KIRREL3: variants seen among roughly 807,000 people sequenced by gnomAD.
KIRREL3 encodes the protein kirre like nephrin family adhesion molecule 3, also known as kin of IRRE-like protein 3.
Under a neutral mutation model 89.7 loss-of-function variants are expected in KIRREL3, and 36 were observed. The observed-to-expected ratio is 0.40, with a 90% CI of 0.31 to 0.53. The LOEUF (loss-of-function observed/expected upper bound fraction) is 0.53, where lower values mean the gene tolerates loss of function less well. Among genes scored for constraint, KIRREL3 ranks in the 20% least tolerant of loss-of-function variants. The pLI, the probability that KIRREL3 is intolerant of heterozygous loss-of-function variation, is 0.49. For synonymous variants in KIRREL3, 445 were observed against 441.4 expected (o/e 1.01, Z -0.10); for missense variants, 864 against 1,056.6 (o/e 0.82, Z 2.53).
At chr11:126,504,059 C>T (rs1349020309) in intron 4 of KIRREL3, among the ~76,000 whole-genome samples, 1 of 152,170 alleles carries the variant, frequency 6.6e-6, no homozygotes, top group African/African-American at 2.4e-5. Flanking sequence ...TACTGAATGA[C>T]TCCTTTGAGA....
rs921788807 is a variant in KIRREL3, at chr11:126,561,320, C to G, written c.133+1515G>C. 1.3e-5 allele frequency among the ~76,000 whole-genome samples: 2 copies of G among 152,214 alleles called. No individual in the cohort carries two copies. Among genetic ancestry groups the G allele is most frequent in the African/African-American group, 4.8e-5 (2 of 41,442 alleles). ...CATGTTGGCTCAGCTTGCATCCCATCCCCTCATCTCCTCAGCCACCCAGAA... is the reference window on the plus strand; with the variant it reads ...CATGTTGGCTCAGCTTGCATCCCATGCCCTCATCTCCTCAGCCACCCAGAA... On this transcript the variant is annotated intron_variant, in intron 2 of 16. Coordinates refer to ENST00000525144, the MANE Select transcript of KIRREL3 (RefSeq NM_032531.4). The surrounding 1 kb of genome is among the most constrained non-coding windows in gnomAD (Gnocchi z 4.5).
At chr11:126,458,455 C>A (rs946969403) in intron 6 of KIRREL3, among the ~76,000 whole-genome samples, 4 of 103,558 alleles carry the variant, frequency 3.9e-5, no homozygotes, top group Non-Finnish European at 8.1e-5. Context: ...ACCGAGCCGG[C>A]CTTACTCTGG....
rs1460752144 is a variant in KIRREL3 at position 126,817,434 on chromosome 11, A to G, written c.55+183021T>C. ...AGTGACTGAGGGCTTCAGCTTCCTC[A>G]TTGTGGGGGACAGAAGGGGATGGTT... On this transcript the variant is annotated intron_variant, in intron 1 of 16. Coordinates refer to ENST00000525144, the MANE Select transcript of KIRREL3 (RefSeq NM_032531.4). This position sits in a 1 kb window ranked among gnomAD's most constrained non-coding sequence, Gnocchi z 5.7. 6.6e-6 allele frequency among the ~76,000 whole-genome samples: 1 copy of G among 152,182 alleles called. No homozygotes were observed. Among genetic ancestry groups the G allele is most frequent in the Non-Finnish European group, 1.5e-5 (1 of 68,040 alleles).
At position 126,763,902 on chromosome 11, in the gene KIRREL3, ACT is replaced by A. The variant is rs907429826; in HGVS notation, c.56-200992_56-200991del. 2.6e-5 allele frequency among the ~76,000 whole-genome samples: 4 copies of A among 150,976 alleles called. No individual in the cohort carries two copies. Among genetic ancestry groups the A allele is most frequent in the Non-Finnish European group, 5.9e-5 (4 of 67,764 alleles). ...TACTTAGTTTTCAGTTGACATTCCC[ACT>A]CTCTTACCTTCTGCCCCCTGAATTT... On this transcript the variant is annotated intron_variant, in intron 1 of 16. Coordinates refer to ENST00000525144, the MANE Select transcript of KIRREL3 (RefSeq NM_032531.4). The surrounding 1 kb of genome is among the most constrained non-coding windows in gnomAD (Gnocchi z 4.7).
intron 1 of KIRREL3, among the ~76,000 whole-genome samples, chr11:126,842,216 A>C (rs1943986321): frequency 6.6e-6 from 1 of 152,198 alleles, no homozygotes; most frequent in Non-Finnish European, 1.5e-5. Context: ...TCAGGACAAC[A>C]GACAGAGACA....
rs1446004806 is a variant in KIRREL3 at position 126,608,575 on chromosome 11, A to C, written c.56-45663T>G. Among the ~76,000 whole-genome samples, 1 of 151,880 alleles carries C rather than the reference A, an allele frequency of 6.6e-6. No individual in the cohort carries two copies. Among genetic ancestry groups the C allele is most frequent in the Non-Finnish European group, 1.5e-5 (1 of 67,994 alleles). On this transcript the variant is annotated intron_variant, in intron 1 of 16. Transcript: ENST00000525144. The surrounding 1 kb of genome is among the most constrained non-coding windows in gnomAD (Gnocchi z 4.9). Reference sequence around the variant, plus strand: ...CTCCCCTCCCCAAATGGCTCCCTTAATCACGAGCTGCTTTCTTCTGAGCTC... The same window carrying C: ...CTCCCCTCCCCAAATGGCTCCCTTACTCACGAGCTGCTTTCTTCTGAGCTC...
chr11:126,501,547 A>T lies in KIRREL3; in HGVS notation c.433+19768T>A, dbSNP rs186784331. On this transcript the variant is annotated intron_variant, in intron 4 of 16. Transcript: ENST00000525144. The surrounding 1 kb of genome is among the most constrained non-coding windows in gnomAD (Gnocchi z 5.8). Reference sequence around the variant, plus strand: ...ATTTTCATCCCAGGCGGTGCGTGACAAAGCTAGGATTTGAACCCAGGCTGT... The same window carrying T: ...ATTTTCATCCCAGGCGGTGCGTGACTAAGCTAGGATTTGAACCCAGGCTGT... 2.0e-5 allele frequency among the ~76,000 whole-genome samples: 3 copies of T among 152,272 alleles called. No individual in the cohort carries two copies. Among genetic ancestry groups the T allele is most frequent in the Admixed American group, 6.5e-5 (1 of 15,296 alleles).
rs966837019 is a variant in KIRREL3 at position 126,513,316 on chromosome 11, C to T, written c.433+7999G>A. 1.3e-5 allele frequency among the ~76,000 whole-genome samples: 2 copies of T among 152,230 alleles called. No homozygotes were observed. The highest frequency in any genetic ancestry group is 2.9e-5 in the Non-Finnish European group (2 of 68,006). ...GGAAGCTACCCCCAGATTTCAGTGG[C>T]GAGTGGGCACTTGGATAGGCAGTGT... On this transcript the variant is annotated intron_variant, in intron 4 of 16. Transcript: ENST00000525144. The surrounding 1 kb of genome is among the most constrained non-coding windows in gnomAD (Gnocchi z 5.9).
At chr11:126,466,774 G>A (rs1287510101) in intron 5 of KIRREL3, among the ~76,000 whole-genome samples, 1 of 152,096 alleles carries the variant, frequency 6.6e-6, no homozygotes, top group African/African-American at 2.4e-5. Context: ...TCCCTTCACT[G>A]AGCTTGGCTC....
chr11:126,634,211 T>C (rs1944170604), intron 1 of KIRREL3, among the ~76,000 whole-genome samples: 1 of 152,310 alleles, frequency 6.6e-6, no homozygotes, highest in Admixed American at 6.5e-5. Context: ...CTGAGTAAGG[T>C]GGAATCAGAC....
rs1018445231 is a variant in KIRREL3 at position 126,797,469 on chromosome 11, T to A, written c.55+202986A>T. Among the ~76,000 whole-genome samples the A allele has an allele frequency of 1.3e-5, 2 of 152,074 alleles. No individual in the cohort carries two copies. The highest frequency in any genetic ancestry group is 4.8e-5 in the African/African-American group (2 of 41,420). Reference sequence around the variant, plus strand: ...TCAACTTCTGCTTGCAGAAGCCCGATTCATCTGTTACCTGGGAAGCTAAAC... The same window carrying A: ...TCAACTTCTGCTTGCAGAAGCCCGAATCATCTGTTACCTGGGAAGCTAAAC... On this transcript the variant is annotated intron_variant, in intron 1 of 16. Coordinates refer to ENST00000525144, the MANE Select transcript of KIRREL3 (RefSeq NM_032531.4). This position sits in a 1 kb window ranked among gnomAD's most constrained non-coding sequence, Gnocchi z 4.9.
At chr11:126,514,086 A>G (rs1009697690) in intron 4 of KIRREL3, among the ~76,000 whole-genome samples, 1 of 152,086 alleles carries the variant, frequency 6.6e-6, no homozygotes, top group Non-Finnish European at 1.5e-5. Context: ...AGTCTGGGCT[A>G]CCAGGAAGGG....
rs1320638716 is a variant in KIRREL3 at position 126,653,551 on chromosome 11, A to C, written c.56-90639T>G. 6.6e-6 allele frequency among the ~76,000 whole-genome samples: 1 copy of C among 152,226 alleles called. No homozygotes were observed. ...TATAAACACCAGATACGGAATGAGA[A>C]AAAAGCGGCACCGGAAGTGGCATTT... On this transcript the variant is annotated intron_variant, in intron 1 of 16. Coordinates refer to ENST00000525144, the MANE Select transcript of KIRREL3 (RefSeq NM_032531.4). The surrounding 1 kb of genome is among the most constrained non-coding windows in gnomAD (Gnocchi z 5.4).
Position 126,535,027 on chromosome 11 carries a change from G to C in KIRREL3, c.134-8340C>G, listed in dbSNP as rs534411688. ...GTGGAGGTGGCAGCAGCAGTGACAG[G>C]TGTGGCCTGGCCTAGGGAGGTGGGC... On this transcript the variant is annotated intron_variant, in intron 2 of 16. Transcript: ENST00000525144. This position sits in a 1 kb window ranked among gnomAD's most constrained non-coding sequence, Gnocchi z 4.5. 1.1e-4 allele frequency among the ~76,000 whole-genome samples: 17 copies of C among 152,254 alleles called. No homozygotes were observed. The South Asian group carries it at 3.5e-3, about 32-fold the overall frequency.
chr11:126,856,328 G>A (rs1944507268), intron 1 of KIRREL3, among the ~76,000 whole-genome samples: 1 of 152,108 alleles, frequency 6.6e-6, no homozygotes, highest in Admixed American at 6.5e-5. Flanking sequence ...CGGGGAACAA[G>A]TGAAGACAAG....
rs1591436270 is a variant in KIRREL3 at position 126,990,580 on chromosome 11, G to A, written c.55+9875C>T. The stretch of plus-strand genomic sequence containing the variant: ...CCATCAGGCTGACTGAGGCACTGCA[G>A]CCTTCACCTGGCGTCAGGGCCCAAA... On this transcript the variant is annotated intron_variant, in intron 1 of 16. Coordinates refer to ENST00000525144, the MANE Select transcript of KIRREL3 (RefSeq NM_032531.4). The surrounding 1 kb of genome is among the most constrained non-coding windows in gnomAD (Gnocchi z 6.3). Among the ~76,000 whole-genome samples the A allele has an allele frequency of 6.6e-6, 1 of 152,246 alleles. No individual in the cohort carries two copies. The highest frequency in any genetic ancestry group is 1.9e-4 in the East Asian group (1 of 5,178).
intron 1 of KIRREL3, chr11:126,944,240 G>A (rs1335373855): frequency 1.3e-5 from 2 of 152,044 alleles, no homozygotes; most frequent in Non-Finnish European, 2.9e-5. Context: ...TGTATCTTTG[G>A]GTCTTCATTC....
chr11:126,894,576 A>AAG (rs1946071235), intron 1 of KIRREL3, among the ~76,000 whole-genome samples: 1 of 132,748 alleles, frequency 7.5e-6, no homozygotes, highest in Admixed American at 7.4e-5. Context: ...AAAAAGGAAA[A>AAG]GAAAGAAAGA....
At chr11:126,487,765 G>T (rs1957404672) in intron 4 of KIRREL3, among the ~76,000 whole-genome samples, 1 of 152,202 alleles carries the variant, frequency 6.6e-6, no homozygotes, top group African/African-American at 2.4e-5. Flanking sequence ...TGGGGAGGGA[G>T]GCCTGGCCTT....
Sources: allele counts gnomAD v4.1 joint callset (sites outside exome capture counted in the v4.1 genomes callset), GRCh38; gene constraint gnomAD v4.1.1; non-coding constraint Gnocchi (gnomAD v3.1); transcripts MANE v1.5; gene names NCBI Gene and HGNC (gene_info 2026-07-23, HGNC 2026-07-21).